DNAJC16: variants seen among roughly 807,000 people sequenced by gnomAD.
DNAJC16 encodes dnaJ homolog subfamily C member 16.
In DNAJC16, 76 loss-of-function variants were observed where a neutral mutation model predicts 92.7. The ratio of observed to expected loss-of-function variants is 0.82; its 90% CI spans 0.68 to 0.99. The LOEUF (loss-of-function observed/expected upper bound fraction) is 0.99. Among genes scored for constraint, DNAJC16 ranks in the 50% least tolerant of loss-of-function variants. DNAJC16 has a pLI of 0.00. For synonymous variants in DNAJC16, 328 were observed against 358.7 expected, an observed-to-expected ratio of 0.91 and a Z score of 0.97; for missense variants, 869 against 942.4, an observed-to-expected ratio of 0.92 and a Z score of 1.02.
At chr1:15,546,648 G>T in intron 5 of DNAJC16, 119 bp from the exon 6 acceptor site, 1 of 714,742 alleles carries the variant, frequency 1.4e-6, no homozygotes, top group Non-Finnish European at 2.3e-6. Context: ...TTAGTTATCT[G>T]CATTTTTATT....
intron 7 of DNAJC16, among the ~76,000 whole-genome samples, chr1:15,550,254 T>C (rs78997875): frequency 0.011 from 1,751 of 152,346 alleles, 41 homozygotes; most frequent in African/African-American, 0.039. Flanking sequence ...ATTTCCTAAA[T>C]TGGTCTTTCG....
chr1:15,565,774 C>T, intron 11 of DNAJC16, 145 bp from the exon 12 acceptor site: 2 of 759,072 alleles, frequency 2.6e-6, no homozygotes, highest in Non-Finnish European at 4.5e-6. Context: ...ACCACCTCCA[C>T]CCGCCAAGAA....
intron 2 of DNAJC16, among the ~76,000 whole-genome samples, chr1:15,531,893 GT>G (rs1294069205): frequency 1.3e-5 from 2 of 152,198 alleles, no homozygotes; most frequent in East Asian, 3.8e-4. Flanking sequence ...GTGTTTCCCA[GT>G]TTGACTTTTC....
chr1:15,564,729 A>G (rs932931665), intron 11 of DNAJC16, among the ~76,000 whole-genome samples: 1 of 151,830 alleles, frequency 6.6e-6, no homozygotes, highest in African/African-American at 2.4e-5. Context: ...GGGTTTCACC[A>G]TGTTGGTCAG....
intron 10 of DNAJC16, 50 bp from the exon 11 acceptor site, chr1:15,564,233 T>C: frequency 2.0e-6 from 3 of 1,531,038 alleles, no homozygotes; most frequent in Non-Finnish European, 2.7e-6. Context: ...GTAGAGGGAC[T>C]CTCCCTTCCG....
chr1:15,563,680 A>AG (rs1192331627), intron 9 of DNAJC16, among the ~76,000 whole-genome samples: 2 of 148,740 alleles, frequency 1.3e-5, no homozygotes, highest in African/African-American at 5.0e-5. Context: ...AAAAAAAAAA[A>AG]AAAAAAAAAA....
intron 7 of DNAJC16, among the ~76,000 whole-genome samples, chr1:15,552,702 T>C (rs978729530): frequency 1.3e-5 from 2 of 151,794 alleles, no homozygotes; most frequent in Non-Finnish European, 2.9e-5. Flanking sequence ...CTCATTTGTA[T>C]ATGAACCTTT....
At chr1:15,533,349 G>A (rs894029857) in intron 2 of DNAJC16, among the ~76,000 whole-genome samples, 18 of 152,178 alleles carry the variant, frequency 1.2e-4, no homozygotes, top group African/African-American at 4.1e-4. Flanking sequence ...CATTGAGGCC[G>A]GGCGTGGTGG....
At chr1:15,562,773 C>T (rs112058903) in intron 9 of DNAJC16, among the ~76,000 whole-genome samples, 2,049 of 151,970 alleles carry the variant, frequency 0.013, 49 homozygotes, top group African/African-American at 0.046. Context: ...TGAGCCACTG[C>T]TCCTGGCCTA....
chr1:15,566,381 A>T (rs1638808405), intron 13 of DNAJC16: 1 of 555,098 alleles, frequency 1.8e-6, no homozygotes, highest in Non-Finnish European at 3.2e-6. Context: ...TAGATTTCAT[A>T]ATGAAGGCAG....
chr1:15,530,951 G>C (rs992918940), intron 2 of DNAJC16, among the ~76,000 whole-genome samples: 8 of 152,186 alleles, frequency 5.3e-5, no homozygotes, highest in Non-Finnish European at 1.0e-4. Context: ...GCCTCCCAAA[G>C]TGCTGGGATT....
At chr1:15,531,662 T>G (rs1710663941) in intron 2 of DNAJC16, among the ~76,000 whole-genome samples, 1 of 152,262 alleles carries the variant, frequency 6.6e-6, no homozygotes, top group Non-Finnish European at 1.5e-5. Context: ...ATTAATTAAA[T>G]GAGTCATATT....
chr1:15,565,776 C>T lies in DNAJC16; in HGVS notation c.1599-143C>T, dbSNP rs757691170. On this transcript the variant is annotated intron_variant, in intron 11 of 14. Transcript: ENST00000375847. Reference sequence around the variant, plus strand: ...TACCTTCCCCTCCACCACCTCCACCCGCCAAGAAAAGCTCTGTTTGCCTGA... The same window carrying T: ...TACCTTCCCCTCCACCACCTCCACCTGCCAAGAAAAGCTCTGTTTGCCTGA... 262 of 773,864 alleles carry T rather than the reference C, an allele frequency of 3.4e-4. 2 individuals carry two copies. The highest frequency in any genetic ancestry group is 3.8e-4 in the Non-Finnish European group (176 of 461,784). The allele number at this position is 773,864 out of a possible 1,614,324, so 47.9% of individuals were successfully genotyped here. A position where few individuals can be genotyped will look rare whatever the true frequency, so the allele number is the denominator to read the frequency against.
rs139108295 is a variant in DNAJC16, at chr1:15,551,892, G to A, written c.1023+3464G>A. Among the ~76,000 whole-genome samples the A allele has an allele frequency of 8.7e-4, 133 of 152,052 alleles. 2 individuals carry two copies. The East Asian group carries it at 0.023, about 26-fold the overall frequency. On this transcript the variant is annotated intron_variant, in intron 7 of 14. Transcript: ENST00000375847. ...TACTAAAAATACAAAAAAGCCGGGT[G>A]TGGTGGCATGCACCTGTAATCCCAG...
At chr1:15,556,008 A>AG (rs1638562435) in intron 7 of DNAJC16, among the ~76,000 whole-genome samples, 1 of 150,642 alleles carries the variant, frequency 6.6e-6, no homozygotes, top group Non-Finnish European at 1.5e-5. Flanking sequence ...AAAAAAAAAA[A>AG]GAATGTAAAG....
Position 15,559,535 on chromosome 1 carries a change from A to T in DNAJC16, c.1033A>T (p.Met345Leu), listed in dbSNP as rs761717982. 1.9e-6 allele frequency: 3 copies of T among 1,614,014 alleles called. No individual in the cohort carries two copies. In the African/African-American group the frequency reaches 4.0e-5, roughly 22 times the overall value. ...CTTGGTTTTTCTCTAGGCCCGAGGTATGAAGAAGCAAATCATTGACGACTT... is the reference window on the plus strand; with the variant it reads ...CTTGGTTTTTCTCTAGGCCCGAGGTTTGAAGAAGCAAATCATTGACGACTT... ...RPADVIQARGMKKQIIDDFIT... is the reference protein window; with the variant it reads ...RPADVIQARGLKKQIIDDFIT... Residue 345 changes from methionine (M) to leucine (L), a missense_variant, in exon 8 of 15, where the codon ATG (methionine) becomes TTG (leucine). Met to Leu is a conservative substitution (Grantham distance 15). Coordinates refer to ENST00000375847, the MANE Select transcript of DNAJC16 (RefSeq NM_015291.4).
intron 8 of DNAJC16, chr1:15,560,323 A>C (rs576796417): frequency 1.3e-5 from 2 of 152,386 alleles, no homozygotes; most frequent in African/African-American, 4.8e-5. Context: ...AAAGCATTCC[A>C]CACAGGGTGA....
rs374613312 is a variant in DNAJC16 at position 15,529,449 on chromosome 1, T to C, written c.167+177T>C. Among the ~76,000 whole-genome samples, 60 of 152,306 alleles carry C rather than the reference T, an allele frequency of 3.9e-4. 2 individuals are homozygous for C. In the East Asian group the frequency reaches 7.7e-3, roughly 20 times the overall value. On this transcript the variant is annotated intron_variant, in intron 2 of 14. Coordinates refer to ENST00000375847, the MANE Select transcript of DNAJC16 (RefSeq NM_015291.4). ...TGTTCTATAATTGTTAGCGATAAGATCCAAAGCCTATGTTTACTCTGAAAC... is the reference window on the plus strand; with the variant it reads ...TGTTCTATAATTGTTAGCGATAAGACCCAAAGCCTATGTTTACTCTGAAAC...
intron 8 of DNAJC16, 134 bp downstream of exon 8, chr1:15,559,790 A>C (rs1638651460): frequency 7.8e-7 from 1 of 1,276,862 alleles, no homozygotes; most frequent in South Asian, 1.5e-5. Context: ...TGGGCCGGGC[A>C]TGGTGGCTCA....
Sources: gnomAD v4.1 joint callset for allele counts (sites outside exome capture counted in the v4.1 genomes callset) on GRCh38, gnomAD v4.1.1 for gene constraint, MANE v1.5 for transcripts, NCBI Gene and HGNC (gene_info 2026-07-23, HGNC 2026-07-21) for gene names.